ARHGAP4: variants seen among roughly 807,000 people sequenced by gnomAD.
ARHGAP4 encodes the protein rho GTPase-activating protein 4.
In ARHGAP4, 25 loss-of-function variants were observed where a neutral mutation model predicts 67.6. That is an observed-to-expected ratio of 0.37 (90% confidence interval 0.27 to 0.52). The LOEUF (loss-of-function observed/expected upper bound fraction) is 0.52, where lower values mean the gene tolerates loss of function less well. Ranked by LOEUF, ARHGAP4 falls within the 20% of genes least tolerant of loss-of-function variation. The pLI is 0.92. For synonymous variants in ARHGAP4, 448 were observed against 373.7 expected (o/e 1.20, Z -2.29); for missense variants, 804 against 854.6 (o/e 0.94, Z 0.74).
At chrX:153,926,003 C>T in intron 1 of ARHGAP4, 133 bp downstream of exon 1, 14 of 935,744 alleles carry the variant, frequency 1.5e-5, no homozygotes, top group Non-Finnish European at 2.0e-5. Context: ...GCTCAGGCTC[C>T]CTCCTCCACC....
chrX:153,911,836 G>A (rs1228961939), intron 12 of ARHGAP4, among the ~76,000 whole-genome samples: 1 of 110,762 alleles, frequency 9.0e-6, no homozygotes, highest in Non-Finnish European at 1.9e-5. Flanking sequence ...CCAGCAGGTG[G>A]GAGGTGAAGG....
rs374435962 is a variant in ARHGAP4 at position 153,909,964 on chromosome X, G to A, written c.2231-40C>T. 1.3e-3 allele frequency: 1,566 copies of A among 1,207,842 alleles called. 1 individual carries two copies. Among genetic ancestry groups the A allele is most frequent in the Non-Finnish European group, 1.5e-3 (1,374 of 894,008 alleles). The stretch of plus-strand genomic sequence containing the variant: ...GGGTCCAAGCTGTGGGAGGGGGTGT[G>A]GACACTAGGGTGGGGACAGGGTGGG... On this transcript the variant is annotated intron_variant, in intron 18 of 21. Transcript: ENST00000350060.
In ARHGAP4 at chrX:153,913,893, C is replaced by T. The variant is rs1293724030; in HGVS notation, c.1033-14G>A. On this transcript the variant is annotated splice_polypyrimidine_tract_variant and intron_variant, in intron 7 of 21. Coordinates refer to ENST00000350060, the MANE Select transcript of ARHGAP4 (RefSeq NM_001666.5). ...GATCTCAGCCACCTGCAGAGGGCGG[C>T]GGCCAGGGGGCTAAGGGCTGGGCTT... The T allele has an allele frequency of 8.3e-6, 10 of 1,199,021 alleles. No individual in the cohort carries two copies. The highest frequency in any genetic ancestry group is 1.8e-5 in the South Asian group (1 of 56,206).
chrX:153,914,565 C>T (rs1489954539), intron 7 of ARHGAP4, among the ~76,000 whole-genome samples: 2 of 112,088 alleles, frequency 1.8e-5, no homozygotes, highest in African/African-American at 6.5e-5. Flanking sequence ...GGCACGGTGG[C>T]ATGCGCCTGT....
At chrX:153,909,384 G>A in intron 20 of ARHGAP4, 59 bp downstream of exon 20, 1 of 1,090,065 alleles carries the variant, frequency 9.2e-7, no homozygotes, top group South Asian at 2.2e-5. Flanking sequence ...CCTGACCCCA[G>A]TCCCCTCTGG....
In ARHGAP4 at chrX:153,910,398, G is replaced by A; in HGVS notation, c.1929C>T (p.Ala643=). The change falls in exon 17 of 22, where the codon GCC becomes GCT. Residue 643 remains alanine, a synonymous_variant. Transcript: ENST00000350060. ...RYLFTFLNHL[A]QYSDENMMDP... Reference sequence around the variant, plus strand: ...CCATCATGTTCTCATCGCTGTACTGGGCCAGGCTGGGGGGACACGCACATC... The same window carrying A: ...CCATCATGTTCTCATCGCTGTACTGAGCCAGGCTGGGGGGACACGCACATC... The A allele has an allele frequency of 8.4e-7, 1 of 1,195,508 alleles. No homozygotes were observed. Among genetic ancestry groups the A allele is most frequent in the Non-Finnish European group, 1.1e-6 (1 of 885,539 alleles).
In ARHGAP4 at chrX:153,918,819, G is replaced by A; in HGVS notation, c.1032+13C>T. The A allele has an allele frequency of 8.3e-7, 1 of 1,207,978 alleles. No individual in the cohort carries two copies. The highest frequency in any genetic ancestry group is 1.7e-5 in the African/African-American group (1 of 57,886). The stretch of plus-strand genomic sequence containing the variant: ...GCCAGAGAATGCCAAGCCCAGCAGG[G>A]GGTGACCCTCACCTCATCCCCATCA... On this transcript the variant is annotated intron_variant, in intron 7 of 21. Coordinates refer to ENST00000350060, the MANE Select transcript of ARHGAP4 (RefSeq NM_001666.5).
At chrX:153,921,336 C>T in intron 3 of ARHGAP4, 29 bp downstream of exon 3, 1 of 1,210,394 alleles carries the variant, frequency 8.3e-7, no homozygotes, top group South Asian at 1.8e-5. Context: ...GCCTCGAACA[C>T]TTCCCGTGGC....
At position 153,913,415 on chromosome X, in the gene ARHGAP4, G is replaced by A. The variant is rs1557103755; in HGVS notation, c.1320C>T (p.Tyr440=). 2.5e-6 allele frequency: 3 copies of A among 1,210,064 alleles called. No individual in the cohort carries two copies. Among genetic ancestry groups the A allele is most frequent in the Admixed American group, 4.3e-5 (2 of 46,046 alleles). Reference sequence around the variant, plus strand: ...CCAGCCCAGCCCTCCCCACCGTGAGGTAGAAGGTTTCGGTCTCCTGCTGCT... The same window carrying A: ...CCAGCCCAGCCCTCCCCACCGTGAGATAGAAGGTTTCGGTCTCCTGCTGCT... ...RGQQQETETF[Y]LTKLQEYLSG... Residue 440 remains tyrosine, a synonymous_variant, in exon 9 of 22, where the codon TAC becomes TAT. Transcript: ENST00000350060.
chrX:153,916,945 G>A (rs1199337472), intron 7 of ARHGAP4, among the ~76,000 whole-genome samples: 1 of 112,073 alleles, frequency 8.9e-6, no homozygotes, highest in Non-Finnish European at 1.9e-5. Context: ...GTCGGGCACG[G>A]TGGCCCACAC....
chrX:153,909,154 G>C lies in ARHGAP4; in HGVS notation c.2523C>G (p.Thr841=). 2 of 1,209,261 alleles carry C rather than the reference G, an allele frequency of 1.7e-6. No homozygotes were observed. Among genetic ancestry groups the C allele is most frequent in the Non-Finnish European group, 2.2e-6 (2 of 894,433 alleles). Residue 841 remains threonine, a synonymous_variant, in exon 21 of 22, where the codon ACC becomes ACG. Transcript: ENST00000350060. ...SELVHRPEPC[T]SPEAMGPSGH... The stretch of plus-strand genomic sequence containing the variant: ...CAGAGGGTCCCATGGCCTCAGGTGA[G>C]GTGCATGGCTCTGGCCTGCAGGACA...
intron 14 of ARHGAP4, 22 bp downstream of exon 14, chrX:153,910,900 C>T (rs782756689): frequency 7.9e-6 from 9 of 1,137,024 alleles, no homozygotes; most frequent in East Asian, 3.3e-5. Context: ...CCCCCACCCC[C>T]GCCCGCCCTG....
At chrX:153,919,988 T>C (rs2065082130) in intron 5 of ARHGAP4, among the ~76,000 whole-genome samples, 1 of 111,133 alleles carries the variant, frequency 9.0e-6, no homozygotes, top group African/African-American at 3.3e-5. Context: ...GGTTTCACCA[T>C]GTTGGCCACA....
rs367653201 is a variant in ARHGAP4 at position 153,909,542 on chromosome X, T to A, written c.2415-7A>T. On this transcript the variant is annotated splice_region_variant and splice_polypyrimidine_tract_variant and intron_variant, in intron 19 of 21. Coordinates refer to ENST00000350060, the MANE Select transcript of ARHGAP4 (RefSeq NM_001666.5). ...CACCACCTGCTTCTCCGTCCTGCGG[T>A]GGGAAGGACCGGCCTGTTTCGAGTG... is the stretch of plus-strand genomic sequence containing the variant. 27 of 1,196,808 alleles carry A rather than the reference T, an allele frequency of 2.3e-5. No individual in the cohort carries two copies. The highest frequency in any genetic ancestry group is 2.3e-4 in the Middle Eastern group (1 of 4,291).
In ARHGAP4 at chrX:153,907,876, G is replaced by C. The variant is rs199871431; in HGVS notation, c.2694C>G (p.Thr898=). 3.8e-6 allele frequency: 4 copies of C among 1,046,522 alleles called. No homozygotes were observed. In the Admixed American group the frequency reaches 1.5e-4, roughly 39 times the overall value. The allele number at this position is 1,046,522 out of a possible 1,213,427, so 86.2% of individuals were successfully genotyped here. Residue 898 remains threonine (T), a synonymous_variant, in exon 22 of 22, where the codon ACC becomes ACG. Coordinates refer to ENST00000350060, the MANE Select transcript of ARHGAP4 (RefSeq NM_001666.5). ...VRQGLGPAST[T]SPSPGPRSPK... ...GGCTTCGGGGCCCAGGACTGGGAGA[G>C]GTGGTAGATGCTGGCCCAAGGCCCT...
chrX:153,921,468 C>T lies in ARHGAP4; in HGVS notation c.332G>A (p.Arg111Gln), dbSNP rs782071654. The T allele has an allele frequency of 1.0e-5, 12 of 1,202,038 alleles. No homozygotes were observed. The highest frequency in any genetic ancestry group is 3.0e-5 in the East Asian group (1 of 33,674). ...HCWAVLLQHT[R>Q]QQSRESAALS... ...GGCCGCGCTCTCCCGGCTCTGCTGC[C>T]GCGTGTGCTGCAGCAGCACCGCCCA... The change falls in exon 3 of 22, where the codon CGG becomes CAG. Residue 111 changes from arginine to glutamine, a missense_variant. Physicochemically the swap from Arg to Gln is conservative, Grantham distance 43. Coordinates refer to ENST00000350060, the MANE Select transcript of ARHGAP4 (RefSeq NM_001666.5).
chrX:153,922,401 G>T (rs1557105554), intron 1 of ARHGAP4: 2 of 754,444 alleles, frequency 2.7e-6, no homozygotes, highest in Non-Finnish European at 3.1e-6. Flanking sequence ...CCTTGTAAGT[G>T]AAAGAATGGG....
intron 7 of ARHGAP4, among the ~76,000 whole-genome samples, chrX:153,915,946 G>A (rs2065053236): frequency 8.9e-6 from 1 of 112,137 alleles, no homozygotes; most frequent in Non-Finnish European, 1.9e-5. Flanking sequence ...GAAGATGAGA[G>A]AACACAGCAG....
In ARHGAP4 at chrX:153,921,503, G is replaced by T; in HGVS notation, c.297C>A (p.Pro99=). Residue 99 remains proline, a synonymous_variant, in exon 3 of 22, where the codon CCC becomes CCA. Coordinates refer to ENST00000350060, the MANE Select transcript of ARHGAP4 (RefSeq NM_001666.5). ...GCAGCAGCACCGCCCAGCAGTGCAA[G>T]GGCGACAGGAGGGACGGCTCCTTCC... The part of the protein sequence containing the change: ...SFRKEPSLLS[P]LHCWAVLLQH... 8.4e-7 allele frequency: 1 copy of T among 1,195,830 alleles called. No homozygotes were observed. The highest frequency in any genetic ancestry group is 1.1e-6 in the Non-Finnish European group (1 of 887,033).
Sources: allele counts gnomAD v4.1 joint callset (sites outside exome capture counted in the v4.1 genomes callset), GRCh38; gene constraint gnomAD v4.1.1; transcripts MANE v1.5; gene names NCBI Gene and HGNC (gene_info 2026-07-23, HGNC 2026-07-21).